Variants in DLG2 observed in about 807,000 individuals in gnomAD.
The protein encoded by DLG2 is discs large MAGUK scaffold protein 2.
In DLG2, 45 loss-of-function variants were observed where a neutral mutation model predicts 132.5. That is an observed-to-expected ratio of 0.34 (90% confidence interval 0.27 to 0.44). The LOEUF is 0.44. DLG2 is among the 20% of genes least tolerant of loss of function. The probability of loss-of-function intolerance (pLI) is 1.00; values close to 1 mark genes in which losing one functional copy is unlikely to be tolerated. For missense variants in DLG2, 1,045 were observed against 1,196.9 expected (o/e 0.87, Z 1.87); for synonymous variants, 424 against 419.6 (o/e 1.01, Z -0.13).
intron 6 of DLG2, among the ~76,000 whole-genome samples, chr11:84,930,684 C>A (rs908027542): frequency 1.3e-5 from 2 of 152,126 alleles, no homozygotes; most frequent in Non-Finnish European, 2.9e-5. Flanking sequence ...TCAGTGACTG[C>A]CCTTCCTTCT....
At chr11:85,211,209 G>A (rs2082232987) in intron 4 of DLG2, among the ~76,000 whole-genome samples, 1 of 151,908 alleles carries the variant, frequency 6.6e-6, no homozygotes, top group Non-Finnish European at 1.5e-5. Flanking sequence ...ATTTATTTGT[G>A]AAAGAAAATA....
chr11:85,259,837 T>C (rs1427320319), intron 4 of DLG2, among the ~76,000 whole-genome samples: 1 of 152,114 alleles, frequency 6.6e-6, no homozygotes, highest in Non-Finnish European at 1.5e-5. Flanking sequence ...AGAGCTATGG[T>C]GAAGATGAGT....
intron 7 of DLG2, among the ~76,000 whole-genome samples, chr11:84,481,717 A>T (rs2154493521): frequency 6.6e-6 from 1 of 152,232 alleles, no homozygotes; most frequent in Middle Eastern, 3.4e-3. Context: ...CAAAACACCC[A>T]ATAAGTCAAA....
intron 18 of DLG2, among the ~76,000 whole-genome samples, chr11:83,688,906 A>G (rs557315482): frequency 1.3e-5 from 2 of 152,282 alleles, no homozygotes; most frequent in East Asian, 3.9e-4. Context: ...GTTATCTCAG[A>G]CTTCAAATCA....
At chr11:84,652,613 A>AT (rs1746567785) in intron 6 of DLG2, among the ~76,000 whole-genome samples, 1 of 152,208 alleles carries the variant, frequency 6.6e-6, no homozygotes. Flanking sequence ...GGCTAAGTTT[A>AT]TTGATTTGGA....
intron 3 of DLG2, among the ~76,000 whole-genome samples, chr11:85,557,564 A>G (rs1342517722): frequency 6.6e-6 from 1 of 151,790 alleles, no homozygotes; most frequent in Non-Finnish European, 1.5e-5. Context: ...TACACCCTAA[A>G]GCTACAGTAC....
intron 6 of DLG2, chr11:85,021,235 G>C: frequency 7.8e-7 from 1 of 1,277,362 alleles, no homozygotes; most frequent in Non-Finnish European, 1.1e-6. Context: ...GGGCACTACA[G>C]CCCGAGCAAT....
intron 6 of DLG2, among the ~76,000 whole-genome samples, chr11:84,878,196 G>A (rs531402144): frequency 6.6e-6 from 1 of 152,254 alleles, no homozygotes; most frequent in Admixed American, 6.5e-5. Context: ...ATGTGACCCA[G>A]CAATCCCATT....
chr11:84,584,881 G>T (rs920284161), intron 6 of DLG2, among the ~76,000 whole-genome samples: 2 of 149,900 alleles, frequency 1.3e-5, no homozygotes, highest in Non-Finnish European at 3.0e-5. Flanking sequence ...GTAGAGACGG[G>T]GTTTCACCGT....
At chr11:85,368,356 T>A (rs950441180) in intron 3 of DLG2, among the ~76,000 whole-genome samples, 1 of 152,224 alleles carries the variant, frequency 6.6e-6, no homozygotes, top group Non-Finnish European at 1.5e-5. Context: ...TCTCAATAAA[T>A]TGATGAGGCA....
intron 8 of DLG2, among the ~76,000 whole-genome samples, chr11:84,176,623 C>T (rs1368220830): frequency 6.6e-6 from 1 of 151,686 alleles, no homozygotes; most frequent in Non-Finnish European, 1.5e-5. Context: ...AGACTTGATC[C>T]AGGAGTTTGA....
chr11:84,442,706 A>AAAAGAAAGAAAGAAAGAAAGAAAGAAAG (rs56224511), intron 7 of DLG2, among the ~76,000 whole-genome samples: 10 of 148,876 alleles, frequency 6.7e-5, no homozygotes, highest in African/African-American at 2.5e-4. Flanking sequence ...TAATTAAAAA[A>AAAAGAAAGAAAGAAAGAAAGAAAGAAAG]AAAGAAAGAA....
intron 7 of DLG2, among the ~76,000 whole-genome samples, chr11:84,516,415 G>T (rs2099273239): frequency 6.6e-6 from 1 of 151,356 alleles, no homozygotes; most frequent in Admixed American, 6.6e-5. Flanking sequence ...AAATACAAAG[G>T]ATCATAGGAG....
chr11:84,535,153 C>T (rs1031876768), intron 6 of DLG2, among the ~76,000 whole-genome samples: 1 of 152,172 alleles, frequency 6.6e-6, no homozygotes, highest in Non-Finnish European at 1.5e-5. Flanking sequence ...CAATATATCC[C>T]ATTTAGAAAA....
chr11:83,603,388 T>C (rs751896427), intron 19 of DLG2, among the ~76,000 whole-genome samples: 14 of 152,192 alleles, frequency 9.2e-5, no homozygotes, highest in Non-Finnish European at 1.5e-4. Context: ...CTCACAGTTA[T>C]ATTCATTGTA....
chr11:84,770,796 C>G (rs936692723), intron 6 of DLG2, among the ~76,000 whole-genome samples: 3 of 151,486 alleles, frequency 2.0e-5, no homozygotes, highest in East Asian at 1.9e-4. Context: ...CAGGTGCCAG[C>G]TACCACGCCT....
Position 84,594,140 on chromosome 11 carries a change from T to C in DLG2, c.358-59409A>G, listed in dbSNP as rs189002443. On this transcript the variant is annotated intron_variant, in intron 6 of 27. Transcript: ENST00000376104. The stretch of plus-strand genomic sequence containing the variant: ...TTAGAATAGGAAATAATTGGTCACA[T>C]TTGTAGAATGAAAAGAATGAAACAT... Among the ~76,000 whole-genome samples, 35 of 152,278 alleles carry C rather than the reference T, an allele frequency of 2.3e-4. 1 individual carries two copies. In the East Asian group the frequency reaches 5.4e-3, roughly 24 times the overall value.
At chr11:84,012,801 T>C (rs746300065) in intron 11 of DLG2, among the ~76,000 whole-genome samples, 2 of 152,114 alleles carry the variant, frequency 1.3e-5, no homozygotes, top group Non-Finnish European at 2.9e-5. Flanking sequence ...ATCTTATAAT[T>C]GGAAGGGATC....
At chr11:84,834,453 T>G (rs1045893831) in intron 6 of DLG2, among the ~76,000 whole-genome samples, 3 of 151,618 alleles carry the variant, frequency 2.0e-5, no homozygotes, top group African/African-American at 4.8e-5. Context: ...AAATTTTATT[T>G]GCCTATTGAA....
Sources: allele counts gnomAD v4.1 joint callset (sites outside exome capture counted in the v4.1 genomes callset), GRCh38; gene constraint gnomAD v4.1.1; transcripts MANE v1.5; gene names NCBI Gene and HGNC (gene_info 2026-07-23, HGNC 2026-07-21).